The following OTOA variants were observed in gnomAD, a reference collection of about 807,000 sequenced individuals.
OTOA encodes otoancorin.
Under a neutral mutation model 110.8 loss-of-function variants are expected in OTOA, and 70 were observed. That is an observed-to-expected ratio of 0.63 (90% CI 0.52 to 0.77). The LOEUF is 0.77. Ranked by LOEUF, OTOA falls within the 30% of genes least tolerant of loss-of-function variation. The pLI, the probability that OTOA is intolerant of heterozygous loss-of-function variation, is 0.00. For synonymous variants in OTOA, 373 were observed against 431.5 expected (o/e 0.86, Z 1.68); for missense variants, 917 against 1,075.8 (o/e 0.85, Z 2.06).
intron 17 of OTOA, among the ~76,000 whole-genome samples, chr16:21,719,817 A>C (rs1221080840): frequency 6.6e-6 from 1 of 152,200 alleles, no homozygotes; most frequent in African/African-American, 2.4e-5. Context: ...TCCTTCAGCT[A>C]ATATTCCAAC....
Position 21,675,059 on chromosome 16 carries a change from TTC to T in OTOA, c.-4-3450_-4-3449del, listed in dbSNP as rs573454565. Reference sequence around the variant, plus strand: ...ATTTGGTCATGAGGTCATGTTTTCTTTCTGTCTTTCTTTCTTTCTTTCTTTCT... The same window carrying T: ...ATTTGGTCATGAGGTCATGTTTTCTTTGTCTTTCTTTCTTTCTTTCTTTCT... On this transcript the variant is annotated intron_variant, in intron 1 of 28. Coordinates refer to ENST00000646100, the MANE Select transcript of OTOA (RefSeq NM_144672.4). 1.6e-4 allele frequency among the ~76,000 whole-genome samples: 21 copies of T among 131,394 alleles called. No homozygotes were observed. The South Asian group carries it at 2.7e-3, about 17-fold the overall frequency. The allele number at this position is 131,394 out of a possible 152,430, so 86.2% of individuals were successfully genotyped here.
intron 6 of OTOA, chr16:21,684,547 G>A (rs1329209125): frequency 6.5e-7 from 1 of 1,549,766 alleles, no homozygotes; most frequent in East Asian, 2.4e-5. Flanking sequence ...CACCTACAGG[G>A]ACCAGGCAGG....
intron 11 of OTOA, 165 bp from the exon 12 acceptor site, chr16:21,705,004 T>G: frequency 9.0e-7 from 1 of 1,106,238 alleles, no homozygotes; most frequent in Non-Finnish European, 1.4e-6. Flanking sequence ...GTTCCGCCTG[T>G]GGTTGCACAT....
chr16:21,698,937 G>A (rs1444771306), intron 10 of OTOA, among the ~76,000 whole-genome samples: 1 of 151,922 alleles, frequency 6.6e-6, no homozygotes, highest in Non-Finnish European at 1.5e-5. Flanking sequence ...CTGCTAAAAG[G>A]GAATTTTATT....
At chr16:21,716,014 A>G (rs1898543050) in intron 14 of OTOA, among the ~76,000 whole-genome samples, 1 of 151,684 alleles carries the variant, frequency 6.6e-6, no homozygotes, top group African/African-American at 2.4e-5. Context: ...GGCTCAAGGG[A>G]TCCTCCCACC....
chr16:21,680,670 T>C (rs1216288962), intron 5 of OTOA, among the ~76,000 whole-genome samples: 1 of 152,048 alleles, frequency 6.6e-6, no homozygotes, highest in East Asian at 1.9e-4. Flanking sequence ...CCGGCCAACA[T>C]GGCAAAACTC....
intron 21 of OTOA, among the ~76,000 whole-genome samples, chr16:21,734,543 T>A (rs1007846086): frequency 4.6e-5 from 7 of 151,580 alleles, no homozygotes; most frequent in African/African-American, 1.5e-4. Context: ...TTAAAAAAAA[T>A]AAAATAAAAA....
intron 24 of OTOA, among the ~76,000 whole-genome samples, chr16:21,751,553 A>G (rs542787780): frequency 1.6e-4 from 16 of 101,526 alleles, no homozygotes; most frequent in African/African-American, 3.8e-4. Flanking sequence ...AAGGGAGAAG[A>G]AACGTTGTGG....
intron 1 of OTOA, among the ~76,000 whole-genome samples, chr16:21,669,304 C>T (rs1367872039): frequency 6.6e-6 from 1 of 152,084 alleles, no homozygotes; most frequent in African/African-American, 2.4e-5. Flanking sequence ...GATCGTGCCA[C>T]TGCACTCCAG....
chr16:21,706,848 AT>A (rs34052117), intron 12 of OTOA, among the ~76,000 whole-genome samples: 1,287 of 123,324 alleles, frequency 0.01, 23 homozygotes, highest in East Asian at 0.053. Context: ...TATAAGATTC[AT>A]TTTTTTTTTT....
At chr16:21,738,006 C>G (rs1466084560) in intron 22 of OTOA, among the ~76,000 whole-genome samples, 5 of 152,292 alleles carry the variant, frequency 3.3e-5, no homozygotes, top group African/African-American at 9.6e-5. Flanking sequence ...TGGAGGGTAG[C>G]AAGACAATAA....
chr16:21,715,439 G>GTTTT (rs369758805), intron 14 of OTOA, among the ~76,000 whole-genome samples: 1 of 143,478 alleles, frequency 7.0e-6, no homozygotes, highest in Non-Finnish European at 1.5e-5. Context: ...TCAGGTTCAA[G>GTTTT]TTTGTTTTTT....
At chr16:21,685,407 C>T (rs1897695300) in intron 7 of OTOA, 46 bp downstream of exon 7, 1 of 1,601,008 alleles carries the variant, frequency 6.2e-7, no homozygotes. Flanking sequence ...TCCAGCACCA[C>T]GTGGTGTTTG....
rs34893860 is a variant in OTOA at position 21,677,897 on chromosome 16, C to CT, written c.-4-604dup. Among the ~76,000 whole-genome samples, 90 of 146,924 alleles carry CT rather than the reference C, an allele frequency of 6.1e-4. 1 individual carries two copies. Among genetic ancestry groups the CT allele is most frequent in the Admixed American group, 2.9e-3 (42 of 14,736 alleles). On this transcript the variant is annotated intron_variant, in intron 1 of 28. Transcript: ENST00000646100. Reference sequence around the variant, plus strand: ...TCTTGCAGATAAAATAGAGTCTATACTTTTTTTTTTCCAGAGTCTCGCTCT... The same window carrying CT: ...TCTTGCAGATAAAATAGAGTCTATACTTTTTTTTTTTCCAGAGTCTCGCTCT...
rs140449342 is a variant in OTOA at position 21,709,908 on chromosome 16, C to T, written c.1125C>T (p.Asp375=). The T allele has an allele frequency of 6.4e-5, 103 of 1,613,864 alleles. 1 individual carries two copies. The African/African-American group carries it at 1.3e-3, about 20-fold the overall frequency. ...GVQKLKAELL[D]IAMENQTLNE... is the part of the protein sequence containing the mutation. ...TCCAGCTCAAAGCAGAACTCCTGGA[C>T]ATTGCCATGGAGAACCAGACCCTCA... The change falls in exon 13 of 29, where the codon GAC becomes GAT. Residue 375 remains aspartate, a synonymous_variant. Transcript: ENST00000646100.
chr16:21,677,264 C>CA (rs1966859937), intron 1 of OTOA, among the ~76,000 whole-genome samples: 1 of 152,118 alleles, frequency 6.6e-6, no homozygotes, highest in Non-Finnish European at 1.5e-5. Context: ...AAGACACTGT[C>CA]AAACAGTTTT....
intron 28 of OTOA, among the ~76,000 whole-genome samples, chr16:21,758,648 A>T (rs1900069681): frequency 6.7e-6 from 1 of 149,842 alleles, no homozygotes; most frequent in Non-Finnish European, 1.5e-5. Flanking sequence ...AAGTGGCCAG[A>T]GGTGGCACTT....
chr16:21,736,778 C>T (rs1408455184), intron 22 of OTOA, among the ~76,000 whole-genome samples: 1 of 152,204 alleles, frequency 6.6e-6, no homozygotes, highest in African/African-American at 2.4e-5. Flanking sequence ...TTGCAGTGAG[C>T]TGAGATGGCA....
At chr16:21,680,855 A>G (rs1966883833) in intron 5 of OTOA, among the ~76,000 whole-genome samples, 1 of 146,442 alleles carries the variant, frequency 6.8e-6, no homozygotes. Flanking sequence ...TCTGTCTCCA[A>G]AAAAAAAAAA....
Sources: allele counts gnomAD v4.1 joint callset (sites outside exome capture counted in the v4.1 genomes callset), GRCh38; gene constraint gnomAD v4.1.1; transcripts MANE v1.5; gene names NCBI Gene and HGNC (gene_info 2026-07-23, HGNC 2026-07-21).